SNRNP200: variants seen among roughly 807,000 people sequenced by gnomAD.
SNRNP200 encodes the protein small nuclear ribonucleoprotein U5 subunit 200, also known as U5 small nuclear ribonucleoprotein 200 kDa helicase.
In SNRNP200, 66 loss-of-function variants were observed where a neutral mutation model predicts 255.2. That is an observed-to-expected ratio of 0.26 (90% CI 0.21 to 0.32). SNRNP200 has a LOEUF of 0.32. SNRNP200 is among the 10% of genes least tolerant of loss of function. SNRNP200 has a pLI of 1.00. For synonymous variants in SNRNP200, 939 were observed against 1,027.8 expected, an observed-to-expected ratio of 0.91 and a Z score of 1.65; for missense variants, 1,585 against 2,749.8, an observed-to-expected ratio of 0.58 and a Z score of 9.47.
At chr2:96,279,712 T>TA (rs1387182742) in intron 35 of SNRNP200, 153 bp from the exon 36 acceptor site, 3 of 667,912 alleles carry the variant, frequency 4.5e-6, no homozygotes, top group South Asian at 1.5e-5. Context: ...TCTCTGCACT[T>TA]ACAACTAGCT....
chr2:96,298,851 C>T lies in SNRNP200; in HGVS notation c.846G>A (p.Ser282=), dbSNP rs369732404. 26 of 1,614,004 alleles carry T rather than the reference C, an allele frequency of 1.6e-5. No homozygotes were observed. Among genetic ancestry groups the T allele is most frequent in the South Asian group, 2.2e-5 (2 of 91,086 alleles). ...CCAATACTTCATCTGCCTTCTTCTGCGACACGATGGCATCATCATAGAAAC... is the reference window on the plus strand; with the variant it reads ...CCAATACTTCATCTGCCTTCTTCTGTGACACGATGGCATCATCATAGAAAC... ...LSRFYDDAIV[S]QKKADEVLEI... The change falls in exon 7 of 45, where the codon TCG becomes TCA. Residue 282 remains serine (S), a synonymous_variant. Transcript: ENST00000323853.
In SNRNP200 at chr2:96,284,480, T is replaced by C. The variant is rs748961599; in HGVS notation, c.4270A>G (p.Ile1424Val). ...TDLKLLGKGN[I>V]IISTPEKWDI... ...CACTTCTCAGGGGTGCTGATGATAA[T>C]GTTCCCTTTGCCCAGCAGCTTCAGG... The change falls in exon 31 of 45, where the codon ATT becomes GTT. Residue 1424 changes from isoleucine (I) to valine (V), a missense_variant. Coordinates refer to ENST00000323853, the MANE Select transcript of SNRNP200 (RefSeq NM_014014.5). The C allele has an allele frequency of 1.9e-5, 30 of 1,614,080 alleles. No individual in the cohort carries two copies. The highest frequency in any genetic ancestry group is 2.5e-5 in the Non-Finnish European group (30 of 1,180,026).
Position 96,278,736 on chromosome 2 carries a change from G to A in SNRNP200, c.5324-25C>T, listed in dbSNP as rs2104332718. The A allele has an allele frequency of 6.2e-7, 1 of 1,614,218 alleles. No homozygotes were observed. The highest frequency in any genetic ancestry group is 1.3e-5 in the African/African-American group (1 of 75,064). On this transcript the variant is annotated intron_variant, in intron 37 of 44. Transcript: ENST00000323853. This position sits in a 1 kb window ranked among gnomAD's most constrained non-coding sequence, Gnocchi z 6.9. ...CCTATGGAGGCGAGAGGTGAGTGGG[G>A]AGCCTCAAGAAGATGCCCAGCAAAG...
intron 3 of SNRNP200, 68 bp downstream of exon 3, chr2:96,303,091 G>A (rs1175690452): frequency 1.3e-6 from 2 of 1,520,366 alleles, no homozygotes; most frequent in Non-Finnish European, 1.8e-6. Flanking sequence ...AGATTCCAAG[G>A]ATCTTAGAAG....
At chr2:96,288,339 T>G (rs755924331) in intron 24 of SNRNP200, among the ~76,000 whole-genome samples, 2 of 152,226 alleles carry the variant, frequency 1.3e-5, no homozygotes, top group South Asian at 4.1e-4. Flanking sequence ...TTTTTGGATT[T>G]ATTTATGAGC....
At chr2:96,284,750 T>TC (rs1236235887) in intron 30 of SNRNP200, 165 bp from the exon 31 acceptor site, 1 of 292,550 alleles carries the variant, frequency 3.4e-6, no homozygotes, top group African/African-American at 3.9e-5. Context: ...CAGCTTTTTC[T>TC]TTTTTTTTTT....
At chr2:96,293,793 C>A (rs548501167) in intron 14 of SNRNP200, among the ~76,000 whole-genome samples, 93 of 152,302 alleles carry the variant, frequency 6.1e-4, no homozygotes, top group African/African-American at 2.0e-3. Context: ...TAAAGGTAAA[C>A]TTCTTTATGA....
Position 96,274,794 on chromosome 2 carries a change from A to G in SNRNP200, c.*218T>C. 1.0e-5 allele frequency: 6 copies of G among 594,098 alleles called. No homozygotes were observed. The highest frequency in any genetic ancestry group is 1.2e-5 in the Non-Finnish European group (4 of 332,126). The allele number at this position is 594,098 out of a possible 1,614,324, so 36.8% of individuals were successfully genotyped here. Reference sequence around the variant, plus strand: ...AAAGAACTACCAGGAACATGCCTGAAAATGCTATATATGATTTATGCTTGA... The same window carrying G: ...AAAGAACTACCAGGAACATGCCTGAGAATGCTATATATGATTTATGCTTGA... On this transcript the variant is annotated 3_prime_UTR_variant, in exon 45 of 45. Transcript: ENST00000323853.
At position 96,287,340 on chromosome 2, in the gene SNRNP200, C is replaced by T; in HGVS notation, c.3484+99G>A. 1 of 1,178,316 alleles carries T rather than the reference C, an allele frequency of 8.5e-7. No individual in the cohort carries two copies. Among genetic ancestry groups the T allele is most frequent in the Non-Finnish European group, 1.3e-6 (1 of 783,002 alleles). The allele number at this position is 1,178,316 out of a possible 1,614,324, so 73.0% of individuals were successfully genotyped here. ...TTCAGTGGGACTTGGGGAGTGAACACAGGATACTAATGCACAGGCCTAGGA... is the reference window on the plus strand; with the variant it reads ...TTCAGTGGGACTTGGGGAGTGAACATAGGATACTAATGCACAGGCCTAGGA... On this transcript the variant is annotated intron_variant, in intron 26 of 44. Transcript: ENST00000323853. The surrounding 1 kb of genome is among the most constrained non-coding windows in gnomAD (Gnocchi z 5.7).
rs2063882333 is a variant in SNRNP200 at position 96,291,214 on chromosome 2, G to A, written c.2421+178C>T. 6.6e-6 allele frequency among the ~76,000 whole-genome samples: 1 copy of A among 152,162 alleles called. No individual in the cohort carries two copies. Among genetic ancestry groups the A allele is most frequent in the South Asian group, 2.1e-4 (1 of 4,824 alleles). On this transcript the variant is annotated intron_variant, in intron 18 of 44. Coordinates refer to ENST00000323853, the MANE Select transcript of SNRNP200 (RefSeq NM_014014.5). This position sits in a 1 kb window ranked among gnomAD's most constrained non-coding sequence, Gnocchi z 4.2. ...AGACTATCCTAAACTCAAGCAAGGT[G>A]GGAAGAGTTGGGAGAGTAGCATAAG...
chr2:96,286,159 A>G lies in SNRNP200; in HGVS notation c.4003+152T>C. 1 of 793,128 alleles carries G rather than the reference A, an allele frequency of 1.3e-6. No individual in the cohort carries two copies. Among genetic ancestry groups the G allele is most frequent in the Non-Finnish European group, 2.2e-6 (1 of 454,328 alleles). 49.1% of individuals were successfully genotyped at this position (793,128 alleles called of 1,614,324 possible). On this transcript the variant is annotated intron_variant, in intron 29 of 44. Coordinates refer to ENST00000323853, the MANE Select transcript of SNRNP200 (RefSeq NM_014014.5). The surrounding 1 kb of genome is among the most constrained non-coding windows in gnomAD (Gnocchi z 4.8). The stretch of plus-strand genomic sequence containing the variant: ...AGCAAAGCAACCAAAGGCTTCTGAC[A>G]AAGGAAAAAGTCCTGGTGGGTCCCA...
At chr2:96,293,679 C>A (rs1405345247) in intron 14 of SNRNP200, among the ~76,000 whole-genome samples, 170 bp from the exon 15 acceptor site, 1 of 152,178 alleles carries the variant, frequency 6.6e-6, no homozygotes, top group African/African-American at 2.4e-5. Flanking sequence ...ATGAAATACT[C>A]CAGAAAGTAA....
Position 96,286,543 on chromosome 2 carries a change from A to T in SNRNP200, c.3830-59T>A. On this transcript the variant is annotated intron_variant, in intron 28 of 44. Transcript: ENST00000323853. The surrounding 1 kb of genome is among the most constrained non-coding windows in gnomAD (Gnocchi z 4.8). ...TGCTCTCTTTCCCTCACTGGCCTCT[A>T]GATCCCCTCCATGAACACTGGAAAC... 6.2e-7 allele frequency: 1 copy of T among 1,605,640 alleles called. No homozygotes were observed. The highest frequency in any genetic ancestry group is 1.1e-5 in the South Asian group (1 of 90,686).
intron 16 of SNRNP200, among the ~76,000 whole-genome samples, chr2:96,292,350 CAAGAA>C (rs2063889398): frequency 6.6e-6 from 1 of 152,122 alleles, no homozygotes; most frequent in Non-Finnish European, 1.5e-5. Context: ...TATTTAGTGC[CAAGAA>C]AAGATCTGTC....
rs754858849 is a variant in SNRNP200 at position 96,298,876 on chromosome 2, C to T, written c.821G>A (p.Arg274His). 14 of 1,614,078 alleles carry T rather than the reference C, an allele frequency of 8.7e-6. No individual in the cohort carries two copies. The highest frequency in any genetic ancestry group is 4.0e-5 in the African/African-American group (3 of 74,940). Reference sequence around the variant, plus strand: ...CGACACGATGGCATCATCATAGAAACGACTGAGCTGCCGCTGCAGCCAAAA... The same window carrying T: ...CGACACGATGGCATCATCATAGAAATGACTGAGCTGCCGCTGCAGCCAAAA... ...DAFWLQRQLS[R>H]FYDDAIVSQK... The change falls in exon 7 of 45, where the codon CGT becomes CAT. Residue 274 changes from arginine to histidine, a missense_variant. Arg to His is a conservative substitution (Grantham distance 29). Around this residue, in one of 9 missense-constraint regions of SNRNP200, gnomAD observed 383 missense variants for 645.3 expected, o/e 0.59. Transcript: ENST00000323853.
intron 30 of SNRNP200, chr2:96,284,978 G>C (rs1209821807): frequency 1.5e-6 from 1 of 673,376 alleles, no homozygotes; most frequent in South Asian, 1.5e-5. Flanking sequence ...TCGAACTCCT[G>C]ATCTCCGGAG....
intron 9 of SNRNP200, 104 bp from the exon 10 acceptor site, chr2:96,297,824 C>A: frequency 8.3e-7 from 1 of 1,204,546 alleles, no homozygotes; most frequent in Non-Finnish European, 1.2e-6. Flanking sequence ...CAGGTGCTGA[C>A]TAGTAAGTCG....
At chr2:96,281,198 ACT>A (rs1406264982) in intron 35 of SNRNP200, 6 of 109,268 alleles carry the variant, frequency 5.5e-5, no homozygotes, top group African/African-American at 7.4e-5. Context: ...TTGGAGTCTC[ACT>A]CTGTTGCCCA....
At chr2:96,304,670 T>A in intron 2 of SNRNP200, 35 bp downstream of exon 2, 1 of 1,613,718 alleles carries the variant, frequency 6.2e-7, no homozygotes, top group Admixed American at 1.7e-5. Flanking sequence ...AGACTTTGGA[T>A]CTGAAGGAAA....
Sources: allele counts gnomAD v4.1 joint callset (sites outside exome capture counted in the v4.1 genomes callset), GRCh38; gene constraint gnomAD v4.1.1; regional missense constraint gnomAD v4.1.1; non-coding constraint Gnocchi (gnomAD v3.1); transcripts MANE v1.5; gene names NCBI Gene and HGNC (gene_info 2026-07-23, HGNC 2026-07-21).